The following PRIM2 variants were observed in gnomAD, a reference collection of about 807,000 sequenced individuals.
PRIM2 encodes DNA primase large subunit.
A neutral mutation model predicts 67.3 loss-of-function variants in PRIM2; 39 were observed. That is an observed-to-expected ratio of 0.58 (90% CI 0.45 to 0.76). The LOEUF (loss-of-function observed/expected upper bound fraction) is 0.76, where lower values mean the gene tolerates loss of function less well. Ranked by LOEUF, PRIM2 falls within the 30% of genes least tolerant of loss-of-function variation. The pLI, the probability that PRIM2 is intolerant of heterozygous loss-of-function variation, is 0.00. For missense variants in PRIM2, 398 were observed against 598.7 expected (o/e 0.66, Z 3.50); for synonymous variants, 143 against 198.7 (o/e 0.72, Z 2.36).
chr6:57,252,114 C>T, the PRIM2 span, among the ~76,000 whole-genome samples: 1 of 152,182 alleles, frequency 6.6e-6, no homozygotes, highest in African/African-American at 2.4e-5. Flanking sequence ...TGTATTCCTT[C>T]CTTAATTGTA....
At position 57,474,504 on chromosome 6, in the gene PRIM2, T is replaced by G. The variant is rs1295891766; in HGVS notation, c.694-32883T>G. 9.2e-5 allele frequency among the ~76,000 whole-genome samples: 14 copies of G among 152,282 alleles called. No individual in the cohort carries two copies. The South Asian group carries it at 2.7e-3, about 29-fold the overall frequency. On this transcript the variant is annotated intron_variant, in intron 7 of 13. Coordinates refer to ENST00000615550, the MANE Select transcript of PRIM2 (RefSeq NM_000947.5). ...TGCTATCTTTAAAAACATTTAAAAT[T>G]TTTTTCATTTTTATGTGTACATAGT... is the stretch of plus-strand genomic sequence containing the variant.
chr6:57,569,089 GATT>G (rs1775809945), intron 10 of PRIM2, among the ~76,000 whole-genome samples: 2 of 152,220 alleles, frequency 1.3e-5, no homozygotes, highest in African/African-American at 4.8e-5. Flanking sequence ...GGTCTGTTAA[GATT>G]TAACTTGGTT....
the PRIM2 span, among the ~76,000 whole-genome samples, chr6:57,299,735 G>A: frequency 6.6e-6 from 1 of 152,186 alleles, no homozygotes; most frequent in Non-Finnish European, 1.5e-5. Context: ...GGAGAGCTGA[G>A]AATCTATTTA....
At chr6:57,644,225 G>A (rs1179534590) in intron 13 of PRIM2, among the ~76,000 whole-genome samples, 1 of 152,022 alleles carries the variant, frequency 6.6e-6, no homozygotes, top group Non-Finnish European at 1.5e-5. Flanking sequence ...AGTAGGCTAT[G>A]TGAACTATTT....
At chr6:57,337,882 A>G (rs1420489643) in intron 5 of PRIM2, among the ~76,000 whole-genome samples, 2 of 152,198 alleles carry the variant, frequency 1.3e-5, no homozygotes, top group Non-Finnish European at 2.9e-5. Context: ...GGAAATAGAG[A>G]CACAAAAATC....
intron 7 of PRIM2, among the ~76,000 whole-genome samples, chr6:57,398,614 A>G (rs1047983421): frequency 1.4e-4 from 21 of 152,174 alleles, no homozygotes; most frequent in African/African-American, 5.1e-4. Context: ...AGAAGAATGT[A>G]TATTTTATTG....
intron 5 of PRIM2, among the ~76,000 whole-genome samples, chr6:57,338,688 A>G (rs1328783278): frequency 1.4e-5 from 2 of 146,418 alleles, no homozygotes; most frequent in Non-Finnish European, 3.0e-5. Flanking sequence ...TAAATTAGGT[A>G]TTGATGGGAC....
chr6:57,446,280 G>C (rs72873587), intron 7 of PRIM2, among the ~76,000 whole-genome samples: 1 of 107,838 alleles, frequency 9.3e-6, no homozygotes, highest in Admixed American at 9.2e-5. Context: ...ATGAGTAACT[G>C]TTTTTTTTGT....
At chr6:57,290,572 G>T in the PRIM2 span, among the ~76,000 whole-genome samples, 1 of 152,068 alleles carries the variant, frequency 6.6e-6, no homozygotes, top group East Asian at 1.9e-4. Flanking sequence ...GCACCACGTC[G>T]CACTTATTCT....
intron 5 of PRIM2, among the ~76,000 whole-genome samples, chr6:57,347,211 G>A (rs1314657484): frequency 6.6e-6 from 1 of 152,044 alleles, no homozygotes; most frequent in African/African-American, 2.4e-5. Context: ...CAAGGAATAA[G>A]GCTTCTGTAT....
Position 57,320,525 on chromosome 6 carries a change from G to C in PRIM2, c.223G>C (p.Glu75Gln), listed in dbSNP as rs1767619061. 1 of 1,609,816 alleles carries C rather than the reference G, an allele frequency of 6.2e-7. No homozygotes were observed. Among genetic ancestry groups the C allele is most frequent in the Non-Finnish European group, 8.5e-7 (1 of 1,178,932 alleles). The change falls in exon 3 of 14, where the codon GAG becomes CAG. Residue 75 changes from glutamate to glutamine, a missense_variant. Physicochemically the swap from Glu to Gln is conservative, Grantham distance 29 (BLOSUM62 2). Around this residue, in one of 4 missense-constraint regions of PRIM2, gnomAD observed 96 missense variants for 98.3 expected, o/e 0.98. Coordinates refer to ENST00000615550, the MANE Select transcript of PRIM2 (RefSeq NM_000947.5). ...KGTEQYQSKL[E>Q]SELRKLKFSY... is the part of the protein sequence containing the mutation. ...AACTGAACAATACCAGAGTAAGTTG[G>C]AGAGTGAGCTTCGGAAGCTCAAGTT...
the PRIM2 span, among the ~76,000 whole-genome samples, chr6:57,255,763 A>C: frequency 7.0e-3 from 1,065 of 152,330 alleles, 10 homozygotes; most frequent in Non-Finnish European, 9.6e-3. Flanking sequence ...GATCATAAAA[A>C]AACTTCAAGG....
the PRIM2 span, among the ~76,000 whole-genome samples, chr6:57,275,254 T>G: frequency 6.6e-6 from 1 of 152,200 alleles, no homozygotes; most frequent in South Asian, 2.1e-4. Context: ...CTCAGGCCTG[T>G]AATCCCAGCA....
At chr6:57,315,949 T>C (rs1767473778), upstream of PRIM2, among the ~76,000 whole-genome samples, 1 of 152,164 alleles carries the variant, frequency 6.6e-6, no homozygotes, top group Non-Finnish European at 1.5e-5. Context: ...TTGGACCACG[T>C]GATGTATTTG....
chr6:57,459,211 T>G (rs1400439219), intron 7 of PRIM2, among the ~76,000 whole-genome samples: 3 of 152,198 alleles, frequency 2.0e-5, no homozygotes, highest in Non-Finnish European at 2.9e-5. Context: ...GATGTGAGGA[T>G]TAAAGTGGAT....
chr6:57,614,706 C>T (rs1387515799), intron 12 of PRIM2, among the ~76,000 whole-genome samples: 3,453 of 112,784 alleles, frequency 0.031, no homozygotes, highest in African/African-American at 0.072. Context: ...AAAAATTAGC[C>T]GGGCGTGCTA....
chr6:57,228,393 T>G, the PRIM2 span, among the ~76,000 whole-genome samples: 1 of 152,204 alleles, frequency 6.6e-6, no homozygotes, highest in Non-Finnish European at 1.5e-5. Flanking sequence ...ATGGATTTAG[T>G]CCCTCCTAGG....
intron 5 of PRIM2, among the ~76,000 whole-genome samples, chr6:57,337,875 A>G (rs1382569905): frequency 3.9e-5 from 6 of 152,194 alleles, no homozygotes; most frequent in East Asian, 1.9e-4. Context: ...AACTGAAGGA[A>G]ATAGAGACAC....
At chr6:57,232,147 G>A in the PRIM2 span, among the ~76,000 whole-genome samples, 1 of 152,100 alleles carries the variant, frequency 6.6e-6, no homozygotes, top group Non-Finnish European at 1.5e-5. Flanking sequence ...AACAAGTTCC[G>A]CAAAACAAAA....
Sources: allele counts gnomAD v4.1 joint callset (sites outside exome capture counted in the v4.1 genomes callset), GRCh38; gene constraint gnomAD v4.1.1; regional missense constraint gnomAD v4.1.1; transcripts MANE v1.5; gene names NCBI Gene and HGNC (gene_info 2026-07-23, HGNC 2026-07-21).